The following HIVEP3 variants were observed in gnomAD, a reference collection of about 807,000 sequenced individuals.
HIVEP3 encodes the protein transcription factor HIVEP3.
In HIVEP3, 49 loss-of-function variants were observed where a neutral mutation model predicts 152.8. That is an observed-to-expected ratio of 0.32 (90% CI 0.26 to 0.41). The LOEUF is 0.41. Among genes scored for constraint, HIVEP3 ranks in the 10% least tolerant of loss-of-function variants. The pLI is 1.00. For missense variants in HIVEP3, 2,790 were observed against 3,103.3 expected (o/e 0.90, Z 2.40); for synonymous variants, 1,269 against 1,289.0 (o/e 0.98, Z 0.33).
At chr1:41,767,985 A>T (rs1648116776) in intron 1 of HIVEP3, among the ~76,000 whole-genome samples, 1 of 152,202 alleles carries the variant, frequency 6.6e-6, no homozygotes, top group Non-Finnish European at 1.5e-5. Context: ...TGGATTGTAG[A>T]TGTAGATGGC....
At chr1:41,804,136 G>A (rs1286089819) in intron 1 of HIVEP3, among the ~76,000 whole-genome samples, 1 of 152,104 alleles carries the variant, frequency 6.6e-6, no homozygotes, top group African/African-American at 2.4e-5. Context: ...ATAAATAACT[G>A]AGCAAACAGC....
rs145978418 is a variant in HIVEP3, at chr1:41,597,976, T to G, written c.-521-12658A>C. 1.3e-3 allele frequency among the ~76,000 whole-genome samples: 204 copies of G among 152,290 alleles called. 1 individual carries two copies. The highest frequency in any genetic ancestry group is 4.8e-3 in the African/African-American group (199 of 41,566). ...GCTAGCTATCCACCTACCTATCTCA[T>G]TGTTTATTTATATCCGATTTTTCCC... On this transcript the variant is annotated intron_variant, in intron 3 of 8. Transcript: ENST00000372583.
At chr1:41,746,629 G>A (rs774397360) in intron 1 of HIVEP3, among the ~76,000 whole-genome samples, 5 of 152,196 alleles carry the variant, frequency 3.3e-5, no homozygotes, top group Non-Finnish European at 5.9e-5. Context: ...TGTAACCTAT[G>A]AGTGGTCTGG....
intron 1 of HIVEP3, among the ~76,000 whole-genome samples, chr1:41,789,178 G>T (rs1649541331): frequency 6.6e-6 from 1 of 152,212 alleles, no homozygotes; most frequent in African/African-American, 2.4e-5. Context: ...GGTAGGTGTA[G>T]AATTGTGGCA....
At chr1:41,665,223 C>T (rs1317564195) in intron 2 of HIVEP3, among the ~76,000 whole-genome samples, 10 of 152,204 alleles carry the variant, frequency 6.6e-5, no homozygotes, top group Admixed American at 6.5e-4. Context: ...ACCAGCCTGA[C>T]CTCGACTCTA....
At chr1:41,998,758 A>G (rs1193359938) in intron 1 of HIVEP3, among the ~76,000 whole-genome samples, 1 of 152,194 alleles carries the variant, frequency 6.6e-6, no homozygotes, top group Non-Finnish European at 1.5e-5. Context: ...CTTTTATATA[A>G]CAAGAAGATT....
Position 41,842,892 on chromosome 1 carries a change from C to T in HIVEP3, c.-801+75521G>A, listed in dbSNP as rs143571735. The stretch of plus-strand genomic sequence containing the variant: ...CTATGGCTAGGATCTGTCTACCTGG[C>T]ACTGACCTGGGGTAACCTCAGTTCC... On this transcript the variant is annotated intron_variant, in intron 1 of 8. Transcript: ENST00000372583. Among the ~76,000 whole-genome samples, 84 of 152,308 alleles carry T rather than the reference C, an allele frequency of 5.5e-4. 1 individual carries two copies. The highest frequency in any genetic ancestry group is 6.8e-3 in the Middle Eastern group (2 of 294).
rs768700988 is a variant in HIVEP3 at position 41,580,684 on chromosome 1, C to T, written c.4114G>A (p.Asp1372Asn). The change falls in exon 4 of 9, where the codon GAT (aspartate) becomes AAT (asparagine). Residue 1372 changes from aspartate to asparagine, a missense_variant. This residue lies in a region of HIVEP3 where 1,078 missense variants were observed against 1,165.3 expected (regional missense o/e 0.93). Coordinates refer to ENST00000372583, the MANE Select transcript of HIVEP3 (RefSeq NM_024503.5). The part of the protein sequence containing the change: ...PSKGTTVCGA[D>N]VHEVGPGPSG... The stretch of plus-strand genomic sequence containing the variant: ...GGGCCGGGCCCAACCTCATGCACAT[C>T]TGCACCACATACAGTCGTCCCCTTT... 6.2e-7 allele frequency: 1 copy of T among 1,611,622 alleles called. No homozygotes were observed. The highest frequency in any genetic ancestry group is 8.5e-7 in the Non-Finnish European group (1 of 1,178,736).
intron 1 of HIVEP3, among the ~76,000 whole-genome samples, chr1:41,836,518 G>A (rs1485595092): frequency 6.6e-6 from 1 of 152,184 alleles, no homozygotes; most frequent in East Asian, 1.9e-4. Flanking sequence ...CTCCTTACGA[G>A]TAATCCCATC....
intron 1 of HIVEP3, among the ~76,000 whole-genome samples, chr1:41,714,363 C>T (rs1284620470): frequency 1.3e-5 from 2 of 152,310 alleles, no homozygotes; most frequent in East Asian, 3.9e-4. Context: ...GAGTGTTTCC[C>T]ATGGGTACCA....
chr1:41,787,932 G>C (rs930828992), intron 1 of HIVEP3, among the ~76,000 whole-genome samples: 3 of 152,134 alleles, frequency 2.0e-5, no homozygotes, highest in Non-Finnish European at 4.4e-5. Flanking sequence ...ATGTCCCCAG[G>C]TTCCCCTGGT....
intron 1 of HIVEP3, among the ~76,000 whole-genome samples, chr1:41,802,908 C>T (rs747513452): frequency 1.7e-4 from 26 of 152,332 alleles, no homozygotes; most frequent in Non-Finnish European, 3.1e-4. Context: ...CTAGTCCTCC[C>T]AGAGAGAGGC....
chr1:41,954,043 G>A (rs1645125014), intron 1 of HIVEP3, among the ~76,000 whole-genome samples: 1 of 152,130 alleles, frequency 6.6e-6, no homozygotes, highest in African/African-American at 2.4e-5. Flanking sequence ...ACCCTCAGAT[G>A]GCAGACCACC....
chr1:42,025,092 C>G (rs901164035), intron 1 of HIVEP3, among the ~76,000 whole-genome samples: 1 of 152,172 alleles, frequency 6.6e-6, no homozygotes, highest in Non-Finnish European at 1.5e-5. Flanking sequence ...AGCATCGTCT[C>G]CTTGAATAGT....
chr1:41,609,520 G>A (rs1201951760), intron 3 of HIVEP3, among the ~76,000 whole-genome samples: 1 of 151,990 alleles, frequency 6.6e-6, no homozygotes, highest in African/African-American at 2.4e-5. Flanking sequence ...CTGAGATTCA[G>A]CGAGCTATCT....
intron 2 of HIVEP3, among the ~76,000 whole-genome samples, chr1:41,652,261 G>T (rs1645562464): frequency 6.6e-6 from 1 of 152,004 alleles, no homozygotes. Context: ...CTAATCCACA[G>T]AGAAAGAAAA....
intron 3 of HIVEP3, among the ~76,000 whole-genome samples, chr1:41,611,006 T>C (rs1185173549): frequency 6.6e-6 from 1 of 152,078 alleles, no homozygotes; most frequent in Non-Finnish European, 1.5e-5. Flanking sequence ...ATACAGGCTT[T>C]CTTCCATTCA....
At chr1:41,654,909 C>T (rs932081963) in intron 2 of HIVEP3, among the ~76,000 whole-genome samples, 1 of 152,170 alleles carries the variant, frequency 6.6e-6, no homozygotes, top group Non-Finnish European at 1.5e-5. Context: ...TGTCACCCCA[C>T]ATCTATAGTT....
intron 1 of HIVEP3, among the ~76,000 whole-genome samples, chr1:41,749,460 G>C (rs1468881802): frequency 1.3e-5 from 2 of 150,344 alleles, no homozygotes; most frequent in African/African-American, 4.9e-5. Flanking sequence ...AGGAGACAGA[G>C]AGAATGAGAA....
Sources: gnomAD v4.1 joint callset for allele counts (sites outside exome capture counted in the v4.1 genomes callset) on GRCh38, gnomAD v4.1.1 for gene constraint, gnomAD v4.1.1 regional missense constraint, MANE v1.5 for transcripts, NCBI Gene and HGNC (gene_info 2026-07-23, HGNC 2026-07-21) for gene names.